C2orf74: variants seen among roughly 807,000 people sequenced by gnomAD.
The protein encoded by C2orf74 is uncharacterized protein C2orf74.
In C2orf74, 14 loss-of-function variants were observed where a neutral mutation model predicts 17.9. The ratio of observed to expected loss-of-function variants is 0.78; its 90% CI spans 0.52 to 1.22. The LOEUF (loss-of-function observed/expected upper bound fraction) is 1.22. Ranked by LOEUF, C2orf74 falls within the 50% of genes most tolerant of loss-of-function variation. The pLI, the probability that C2orf74 is intolerant of heterozygous loss-of-function variation, is 0.00. For missense variants in C2orf74, 217 were observed against 218.4 expected (o/e 0.99, Z 0.04); for synonymous variants, 79 against 72.6 (o/e 1.09, Z -0.44).
intron 1 of C2orf74, among the ~76,000 whole-genome samples, chr2:61,148,231 A>T (rs138978017): frequency 2.0e-5 from 3 of 149,116 alleles, no homozygotes; most frequent in African/African-American, 4.9e-5. Flanking sequence ...TTGTTGCCCA[A>T]GCTGGAGTGC....
intron 1 of C2orf74, among the ~76,000 whole-genome samples, chr2:61,149,467 C>T (rs372745192): frequency 2.6e-5 from 4 of 151,906 alleles, no homozygotes; most frequent in African/African-American, 7.3e-5. Flanking sequence ...CTCTGTATCT[C>T]AGCACTTGCA....
At chr2:61,160,053 C>T (rs879734958), upstream of C2orf74, among the ~76,000 whole-genome samples, 1 of 152,124 alleles carries the variant, frequency 6.6e-6, no homozygotes, top group Non-Finnish European at 1.5e-5. Flanking sequence ...TTTCAGGTAC[C>T]TCATATAAGT....
At chr2:61,154,112 G>A (rs1202809104) in intron 1 of C2orf74, among the ~76,000 whole-genome samples, 1 of 150,536 alleles carries the variant, frequency 6.6e-6, no homozygotes, top group East Asian at 2.0e-4. Flanking sequence ...GGTGGCGGAT[G>A]CCTGTAATCC....
At chr2:61,155,320 C>A (rs1490607591) in intron 1 of C2orf74, among the ~76,000 whole-genome samples, 1 of 152,072 alleles carries the variant, frequency 6.6e-6, no homozygotes, top group Non-Finnish European at 1.5e-5. Context: ...TGAAATGTTT[C>A]TACTATTTTA....
Position 61,150,232 on chromosome 2 carries a change from G to C in C2orf74, c.-122+5036G>C, listed in dbSNP as rs1239621687. Reference sequence around the variant, plus strand: ...CCTCTGATCCAAGTTCTGTGCCCCAGGGATCTAGGACTCCTGGGATGGAGG... The same window carrying C: ...CCTCTGATCCAAGTTCTGTGCCCCACGGATCTAGGACTCCTGGGATGGAGG... On this transcript the variant is annotated intron_variant, in intron 1 of 3. Transcript: ENST00000426997. Among the ~76,000 whole-genome samples the C allele has an allele frequency of 3.3e-5, 5 of 152,146 alleles. No individual in the cohort carries two copies. The East Asian group carries it at 7.7e-4, about 23-fold the overall frequency.
intron 1 of C2orf74, among the ~76,000 whole-genome samples, chr2:61,145,486 C>T (rs952074756): frequency 5.9e-5 from 9 of 152,080 alleles, no homozygotes; most frequent in African/African-American, 1.4e-4. Flanking sequence ...TGCAGTAATG[C>T]AATCTCGGCT....
chr2:61,157,274 C>T (rs927256447), upstream of C2orf74, among the ~76,000 whole-genome samples: 2 of 152,318 alleles, frequency 1.3e-5, no homozygotes, highest in South Asian at 4.1e-4. Flanking sequence ...CTCCTGGACT[C>T]AAGTGATCCA....
In C2orf74 at chr2:61,164,579, A is replaced by G. The variant is rs1333087661; in HGVS notation, c.*52A>G. On this transcript the variant is annotated 3_prime_UTR_variant, in exon 5 of 5. Coordinates refer to ENST00000432605, the MANE Select transcript of C2orf74 (RefSeq NM_001143959.4). ...AAAATGTAACGTTTGACTAACGTTG[A>G]AAGACTGAGGGTACAAAATCATGTT... The G allele has an allele frequency of 7.5e-7, 1 of 1,334,328 alleles. No homozygotes were observed. Among genetic ancestry groups the G allele is most frequent in the African/African-American group, 1.5e-5 (1 of 66,614 alleles). 82.7% of individuals were successfully genotyped at this position (1,334,328 alleles called of 1,614,324 possible). A position where few individuals can be genotyped will look rare whatever the true frequency, so the allele number is the denominator to read the frequency against.
chr2:61,160,529 G>A (rs1335838834), upstream of C2orf74, among the ~76,000 whole-genome samples: 2 of 146,698 alleles, frequency 1.4e-5, no homozygotes, highest in African/African-American at 5.0e-5. Flanking sequence ...TTTTTTTTCA[G>A]ATGGAGTCCT....
chr2:61,148,152 ATG>A (rs1475324979), intron 1 of C2orf74, among the ~76,000 whole-genome samples: 1 of 147,928 alleles, frequency 6.8e-6, no homozygotes, highest in Non-Finnish European at 1.5e-5. Flanking sequence ...ATATATAAAA[ATG>A]TATATGTATT....
At chr2:61,158,042 G>A (rs773655281), upstream of C2orf74, 11 of 470,064 alleles carry the variant, frequency 2.3e-5, no homozygotes, top group South Asian at 1.2e-4. Context: ...TGCTTATTCT[G>A]TATGGAAGAG....
At chr2:61,157,745 C>T (rs1011822670), upstream of C2orf74, 9 of 404,208 alleles carry the variant, frequency 2.2e-5, no homozygotes, top group East Asian at 6.4e-4. Context: ...CTATCCTGAT[C>T]AGCCAGGCCT....
intron 2 of C2orf74, 106 bp from the exon 3 acceptor site, chr2:61,162,736 G>C (rs2103647408): frequency 8.9e-7 from 1 of 1,120,856 alleles, no homozygotes; most frequent in Non-Finnish European, 1.3e-6. Flanking sequence ...TTCCATTTCA[G>C]CATTTTAGAA....
chr2:61,158,099 C>A, upstream of C2orf74: 1 of 436,024 alleles, frequency 2.3e-6, no homozygotes, highest in Non-Finnish European at 4.8e-6. Flanking sequence ...ACAAGAAAAG[C>A]CCCCCTTGCT....
At chr2:61,157,115 A>C (rs1365180517) in intron 1 of C2orf74, among the ~76,000 whole-genome samples, 3 of 152,184 alleles carry the variant, frequency 2.0e-5, no homozygotes, top group Non-Finnish European at 4.4e-5. Flanking sequence ...GGCTCACTGC[A>C]ACCTCCCCTC....
chr2:61,150,125 AG>A (rs970564806), intron 1 of C2orf74, among the ~76,000 whole-genome samples: 7 of 152,108 alleles, frequency 4.6e-5, no homozygotes, highest in Non-Finnish European at 8.8e-5. Flanking sequence ...CCAGGTGCTG[AG>A]GGTTGGTGAA....
chr2:61,157,733 G>T (rs1685433675), upstream of C2orf74: 1 of 394,038 alleles, frequency 2.5e-6, no homozygotes. Flanking sequence ...TTGAACTGTG[G>T]ACTATCCTGA....
At chr2:61,148,592 A>G (rs1685136667) in intron 1 of C2orf74, among the ~76,000 whole-genome samples, 1 of 152,220 alleles carries the variant, frequency 6.6e-6, no homozygotes. Flanking sequence ...TTTATTACTC[A>G]TTTGGATATC....
rs538169438 is a variant in C2orf74, at chr2:61,164,560, T to C, written c.*33T>C. The C allele has an allele frequency of 7.6e-6, 11 of 1,452,946 alleles. No homozygotes were observed. In the African/African-American group the frequency reaches 1.2e-4, roughly 15 times the overall value. The allele number at this position is 1,452,946 out of a possible 1,614,324, so 90.0% of individuals were successfully genotyped here. A position where few individuals can be genotyped will look rare whatever the true frequency, so the allele number is the denominator to read the frequency against. ...AAAAGGGTAAGAGTGAAAGAAAATGTAACGTTTGACTAACGTTGAAAGACT... is the reference window on the plus strand; with the variant it reads ...AAAAGGGTAAGAGTGAAAGAAAATGCAACGTTTGACTAACGTTGAAAGACT... On this transcript the variant is annotated 3_prime_UTR_variant, in exon 5 of 5. Coordinates refer to ENST00000432605, the MANE Select transcript of C2orf74 (RefSeq NM_001143959.4).
Sources: gnomAD v4.1 joint callset for allele counts (sites outside exome capture counted in the v4.1 genomes callset) on GRCh38, gnomAD v4.1.1 for gene constraint, MANE v1.5 for transcripts, NCBI Gene and HGNC (gene_info 2026-07-23, HGNC 2026-07-21) for gene names.